Variants in TRPM3 observed in about 807,000 individuals in gnomAD.
TRPM3 encodes the protein long transient receptor potential channel 3.
A neutral mutation model predicts 181.2 loss-of-function variants in TRPM3; 77 were observed. The ratio of observed to expected loss-of-function variants is 0.42; its 90% confidence interval spans 0.35 to 0.51. TRPM3 has a LOEUF of 0.51. Ranked by LOEUF, TRPM3 falls within the 20% of genes least tolerant of loss-of-function variation. TRPM3 has a pLI of 0.01. For synonymous variants in TRPM3, 745 were observed against 796.4 expected, an observed-to-expected ratio of 0.94 and a Z score of 1.09; for missense variants, 1,759 against 2,196.7, an observed-to-expected ratio of 0.80 and a Z score of 3.98.
At chr9:71,003,711 T>C (rs1219517448) in intron 1 of TRPM3, among the ~76,000 whole-genome samples, 1 of 152,146 alleles carries the variant, frequency 6.6e-6, no homozygotes, top group Non-Finnish European at 1.5e-5. Context: ...TTATTTTAAA[T>C]ACCATTTGCA....
At chr9:70,777,288 G>C (rs192388804) in intron 7 of TRPM3, among the ~76,000 whole-genome samples, 1 of 152,020 alleles carries the variant, frequency 6.6e-6, no homozygotes, top group Non-Finnish European at 1.5e-5. Context: ...AAATAGTGTG[G>C]AGCTGAGCAA....
At chr9:71,075,278 G>A (rs567596357) in intron 1 of TRPM3, among the ~76,000 whole-genome samples, 44 of 152,174 alleles carry the variant, frequency 2.9e-4, no homozygotes, top group Middle Eastern at 3.4e-3. Context: ...CACAAGATTC[G>A]AGCCTTTCAC....
chr9:70,698,507 C>T (rs2071341861), intron 8 of TRPM3, among the ~76,000 whole-genome samples: 1 of 152,168 alleles, frequency 6.6e-6, no homozygotes, highest in Admixed American at 6.5e-5. Flanking sequence ...CTGAGACACG[C>T]ATGCTAACAT....
intron 9 of TRPM3, among the ~76,000 whole-genome samples, chr9:70,668,981 G>C (rs1323681742): frequency 6.6e-6 from 1 of 152,192 alleles, no homozygotes; most frequent in African/African-American, 2.4e-5. Flanking sequence ...CACAAGCCAA[G>C]AGGAGCTCAG....
At chr9:70,589,942 T>A (rs2057836329) in intron 22 of TRPM3, among the ~76,000 whole-genome samples, 1 of 152,162 alleles carries the variant, frequency 6.6e-6, no homozygotes, top group South Asian at 2.1e-4. Flanking sequence ...GGATGGGCAG[T>A]GGGAGTGGGG....
intron 1 of TRPM3, among the ~76,000 whole-genome samples, chr9:71,047,839 C>T (rs1263135079): frequency 3.3e-5 from 5 of 151,490 alleles, no homozygotes; most frequent in African/African-American, 7.3e-5. Context: ...CACACACACA[C>T]ACACACACAC....
At chr9:70,871,587 T>C (rs2095790788) in intron 1 of TRPM3, among the ~76,000 whole-genome samples, 1 of 152,016 alleles carries the variant, frequency 6.6e-6, no homozygotes, top group Non-Finnish European at 1.5e-5. Flanking sequence ...AACTTTTTCA[T>C]GTGAGGTTGT....
At chr9:70,986,260 A>G (rs1394588802) in intron 1 of TRPM3, among the ~76,000 whole-genome samples, 1 of 152,128 alleles carries the variant, frequency 6.6e-6, no homozygotes, top group African/African-American at 2.4e-5. Flanking sequence ...GCTACTGGGG[A>G]GGCTGAGGCA....
chr9:71,348,536 CAGTT>C (rs2091421854), intron 1 of TRPM3, among the ~76,000 whole-genome samples: 1 of 147,638 alleles, frequency 6.8e-6, no homozygotes, highest in Non-Finnish European at 1.5e-5. Flanking sequence ...TTTCTGAAAA[CAGTT>C]TATTTATTTA....
Position 70,603,524 on chromosome 9 carries a change from A to G in TRPM3, c.2668-54T>C, listed in dbSNP as rs1395009709. On this transcript the variant is annotated intron_variant, in intron 19 of 25. Transcript: ENST00000677713. ...GCTGTTCAGGCCCAGGAGCCCCAGC[A>G]TCAGCCAAGGCCACTGCACAGCAGC... The G allele has an allele frequency of 8.7e-6, 14 of 1,603,834 alleles. No individual in the cohort carries two copies. In the Middle Eastern group the frequency reaches 6.7e-4, roughly 76 times the overall value.
intron 1 of TRPM3, among the ~76,000 whole-genome samples, chr9:71,370,783 T>C (rs1413675978): frequency 2.6e-5 from 4 of 152,206 alleles, no homozygotes; most frequent in South Asian, 2.1e-4. Context: ...CAGCCTTCTA[T>C]TGGAAGAAGA....
chr9:71,120,182 G>A (rs1446454066), intron 1 of TRPM3, among the ~76,000 whole-genome samples: 1 of 152,178 alleles, frequency 6.6e-6, no homozygotes. Flanking sequence ...TAGCCCACTG[G>A]ACTCAATGCT....
At chr9:70,606,866 G>T (rs1436514772) in intron 19 of TRPM3, among the ~76,000 whole-genome samples, 1 of 152,104 alleles carries the variant, frequency 6.6e-6, no homozygotes, top group Admixed American at 6.5e-5. Flanking sequence ...GCCTGACACA[G>T]TTTGCTATGG....
intron 9 of TRPM3, among the ~76,000 whole-genome samples, chr9:70,660,560 G>T (rs773255915): frequency 3.3e-5 from 5 of 152,036 alleles, no homozygotes; most frequent in Non-Finnish European, 5.9e-5. Flanking sequence ...TGCTAAGACT[G>T]TGTCATGGGC....
At chr9:70,566,636 C>A (rs2050668954) in intron 22 of TRPM3, among the ~76,000 whole-genome samples, 1 of 152,016 alleles carries the variant, frequency 6.6e-6, no homozygotes, top group African/African-American at 2.4e-5. Flanking sequence ...CTAAGTAAAC[C>A]CTCTCTTCAT....
At chr9:71,161,938 G>A (rs79275844) in intron 1 of TRPM3, among the ~76,000 whole-genome samples, 2 of 151,900 alleles carry the variant, frequency 1.3e-5, no homozygotes, top group East Asian at 1.9e-4. Context: ...ATGGGAGCTC[G>A]TGCCTGTAAT....
intron 1 of TRPM3, among the ~76,000 whole-genome samples, chr9:71,253,944 G>A (rs1207305022): frequency 6.6e-6 from 1 of 152,140 alleles, no homozygotes; most frequent in African/African-American, 2.4e-5. Context: ...TTATTGAGAT[G>A]GAGTCTTGCT....
chr9:71,183,975 T>C (rs1236533785), intron 1 of TRPM3, among the ~76,000 whole-genome samples: 2 of 152,070 alleles, frequency 1.3e-5, no homozygotes, highest in Non-Finnish European at 2.9e-5. Flanking sequence ...AGGCCCCCAC[T>C]GAATGAACAC....
intron 6 of TRPM3, among the ~76,000 whole-genome samples, chr9:70,808,777 A>G (rs2091248655): frequency 6.6e-6 from 1 of 152,222 alleles, no homozygotes; most frequent in Non-Finnish European, 1.5e-5. Flanking sequence ...TGAACTGATC[A>G]TCAATTTGGT....
Sources: gnomAD v4.1 joint callset for allele counts (sites outside exome capture counted in the v4.1 genomes callset) on GRCh38, gnomAD v4.1.1 for gene constraint, MANE v1.5 for transcripts, NCBI Gene and HGNC (gene_info 2026-07-23, HGNC 2026-07-21) for gene names.